The following PRH1 variants were observed in gnomAD, a reference collection of about 807,000 sequenced individuals.
PRH1 encodes the protein proline rich protein HaeIII subfamily 1.
A neutral mutation model predicts 7.9 loss-of-function variants in PRH1; 7 were observed. The observed-to-expected ratio is 0.89, with a 90% CI of 0.50 to 1.67. The LOEUF (loss-of-function observed/expected upper bound fraction) is 1.67, where lower values mean the gene tolerates loss of function less well. PRH1 is among the 40% of genes most tolerant of loss of function. PRH1 has a pLI of 0.00. For synonymous variants in PRH1, 45 were observed against 80.8 expected (o/e 0.56, Z 2.38); for missense variants, 109 against 223.6 (o/e 0.49, Z 3.27).
intron 2 of PRH1, among the ~76,000 whole-genome samples, chr12:10,970,048 TG>T (rs1346223883): frequency 1.3e-5 from 2 of 152,162 alleles, no homozygotes; most frequent in African/African-American, 4.8e-5. Context: ...GTGATCTGCC[TG>T]TATCGGCCTC....
At chr12:11,134,360 A>G in intron 1 of PRH1, 2 of 1,202,854 alleles carry the variant, frequency 1.7e-6, no homozygotes, top group South Asian at 1.7e-5. Context: ...GTGCTGTGAC[A>G]TTCTTTTTAC....
At chr12:10,892,187 A>C (rs1190597666) in intron 2 of PRH1, among the ~76,000 whole-genome samples, 8 of 152,112 alleles carry the variant, frequency 5.3e-5, no homozygotes, top group Admixed American at 3.9e-4. Flanking sequence ...TGCTCATCAA[A>C]CATACTGTTT....
chr12:11,027,940 C>T (rs979133911), intron 1 of PRH1, among the ~76,000 whole-genome samples: 1 of 152,234 alleles, frequency 6.6e-6, no homozygotes, highest in Non-Finnish European at 1.5e-5. Flanking sequence ...GCACAAAACC[C>T]TATGCAACTG....
intron 1 of PRH1, among the ~76,000 whole-genome samples, chr12:10,982,633 T>C (rs187848042): frequency 1.3e-5 from 2 of 152,314 alleles, no homozygotes; most frequent in Admixed American, 1.3e-4. Context: ...CAAAACATCA[T>C]GTTAATTCAA....
intron 2 of PRH1, among the ~76,000 whole-genome samples, chr12:10,947,823 G>A (rs1392884735): frequency 6.6e-6 from 1 of 152,004 alleles, no homozygotes; most frequent in Non-Finnish European, 1.5e-5. Context: ...GGCAGTTCTG[G>A]TGATAATAAA....
intron 1 of PRH1, among the ~76,000 whole-genome samples, chr12:11,081,912 C>G (rs1359382056): frequency 0.022 from 1,672 of 77,648 alleles, 23 homozygotes; most frequent in Admixed American, 0.03. Flanking sequence ...TCCTATTAAG[C>G]AATTTTATTT....
chr12:11,171,192 G>A (rs867861731), intron 1 of PRH1: 4 of 410,192 alleles, frequency 9.8e-6, no homozygotes, highest in African/African-American at 4.1e-5. Flanking sequence ...AGCGGCGCCC[G>A]GGGCTACGCG....
At chr12:10,913,228 T>A (rs10845241) in intron 2 of PRH1, among the ~76,000 whole-genome samples, 2 of 151,926 alleles carry the variant, frequency 1.3e-5, no homozygotes, top group Non-Finnish European at 2.9e-5. Context: ...CCGAGGCGGG[T>A]GGATCATGAG....
At chr12:10,901,144 T>A (rs10845234) in intron 2 of PRH1, among the ~76,000 whole-genome samples, 75,382 of 152,018 alleles carry the variant, frequency 0.5, 20,943 homozygotes, top group East Asian at 0.72. Context: ...ATCCATGTAC[T>A]GGGCTGATCC....
chr12:10,882,122 C>A (rs1008537118), intron 3 of PRH1, 95 bp downstream of exon 3: 94 of 1,567,514 alleles, frequency 6.0e-5, no homozygotes, highest in Non-Finnish European at 7.7e-5. Flanking sequence ...CAGGACAGGG[C>A]AATATTAACA....
At chr12:11,108,660 T>A (rs2136298564) in intron 1 of PRH1, among the ~76,000 whole-genome samples, 1 of 152,302 alleles carries the variant, frequency 6.6e-6, no homozygotes, top group South Asian at 2.1e-4. Flanking sequence ...TTCCCCATGG[T>A]CTTCGTAACC....
chr12:10,889,110 C>T (rs1466296774), upstream of PRH1, among the ~76,000 whole-genome samples: 2 of 152,168 alleles, frequency 1.3e-5, no homozygotes, highest in African/African-American at 4.8e-5. Flanking sequence ...ATTTTTACTT[C>T]ATTCTTGATG....
At chr12:10,900,535 C>A (rs1949708731) in intron 2 of PRH1, among the ~76,000 whole-genome samples, 1 of 152,110 alleles carries the variant, frequency 6.6e-6, no homozygotes, top group Non-Finnish European at 1.5e-5. Context: ...ACCTTAGCAG[C>A]AAACACTGAA....
chr12:11,071,084 G>C (rs1227707488), intron 1 of PRH1, among the ~76,000 whole-genome samples: 1 of 135,952 alleles, frequency 7.4e-6, no homozygotes, highest in Non-Finnish European at 1.7e-5. Context: ...CCACTCACTA[G>C]ACATTCCCTG....
In PRH1 at chr12:11,088,788, C is replaced by A. The variant is rs1160743057; in HGVS notation, n.124-41600G>T. ...GCTCTGGCCACTGTGCCAGATGATC[C>A]AGCAGGATTCAAAGATGCTAGAAAC... On this transcript the variant is annotated intron_variant and non_coding_transcript_variant, in intron 1 of 4. Transcript: ENST00000541977. Among the ~76,000 whole-genome samples the A allele has an allele frequency of 2.2e-4, 25 of 115,830 alleles. 9 individuals are homozygous for A. Among genetic ancestry groups the A allele is most frequent in the Non-Finnish European group, 2.0e-4 (10 of 48,874 alleles). 76.0% of individuals were successfully genotyped at this position (115,830 alleles called of 152,430 possible). A position where few individuals can be genotyped will look rare whatever the true frequency, so the allele number is the denominator to read the frequency against.
intron 1 of PRH1, chr12:11,061,410 C>T (rs553647348): frequency 1.1e-5 from 18 of 1,613,862 alleles, no homozygotes; most frequent in Non-Finnish European, 1.4e-5. Context: ...ACCTCACATG[C>T]CACAAAACTG....
intron 1 of PRH1, among the ~76,000 whole-genome samples, chr12:11,074,166 A>G (rs1219869461): frequency 2.7e-5 from 4 of 149,570 alleles, no homozygotes; most frequent in African/African-American, 9.8e-5. Context: ...TGTGGGCATG[A>G]AGTCTTGTAA....
intron 1 of PRH1, among the ~76,000 whole-genome samples, chr12:11,158,363 C>T (rs1947314703): frequency 6.6e-6 from 1 of 151,702 alleles, no homozygotes; most frequent in Non-Finnish European, 1.5e-5. Flanking sequence ...CTTTAACAAA[C>T]TTACTTAATT....
At chr12:11,015,751 C>T (rs1941264595) in intron 1 of PRH1, among the ~76,000 whole-genome samples, 1 of 152,100 alleles carries the variant, frequency 6.6e-6, no homozygotes, top group Admixed American at 6.6e-5. Context: ...CTCACTACAG[C>T]CTTGAATTCC....
Sources: gnomAD v4.1 joint callset for allele counts (sites outside exome capture counted in the v4.1 genomes callset) on GRCh38, gnomAD v4.1.1 for gene constraint, MANE v1.5 for transcripts, NCBI Gene and HGNC (gene_info 2026-07-23, HGNC 2026-07-21) for gene names.